RALB: variants seen among roughly 807,000 people sequenced by gnomAD.
The protein encoded by RALB is ras-related protein Ral-B.
A neutral mutation model predicts 21.3 loss-of-function variants in RALB; 16 were observed. That is an observed-to-expected ratio of 0.75 (90% CI 0.51 to 1.14). The LOEUF (loss-of-function observed/expected upper bound fraction) is 1.14. RALB is among the 50% of genes most tolerant of loss of function. RALB has a pLI of 0.00. For synonymous variants in RALB, 93 were observed against 96.1 expected, an observed-to-expected ratio of 0.97 and a Z score of 0.19; for missense variants, 161 against 256.2, an observed-to-expected ratio of 0.63 and a Z score of 2.54.
At chr2:120,247,158 G>A (rs1364215431) in intron 1 of RALB, among the ~76,000 whole-genome samples, 1 of 152,192 alleles carries the variant, frequency 6.6e-6, no homozygotes, top group Non-Finnish European at 1.5e-5. Context: ...GCGGGAAGAG[G>A]GAAGGGGGAG....
At chr2:120,263,337 T>C (rs1320652156) in intron 1 of RALB, among the ~76,000 whole-genome samples, 1 of 150,810 alleles carries the variant, frequency 6.6e-6, no homozygotes, top group Non-Finnish European at 1.5e-5. Flanking sequence ...CCCAGCTAAT[T>C]TTTGTAGAGA....
chr2:120,273,595 C>G (rs980294863), intron 1 of RALB, among the ~76,000 whole-genome samples: 1 of 152,224 alleles, frequency 6.6e-6, no homozygotes, highest in African/African-American at 2.4e-5. Flanking sequence ...AGGAAAGGAT[C>G]AATTTTAGGG....
intron 1 of RALB, among the ~76,000 whole-genome samples, chr2:120,273,322 C>T (rs900666016): frequency 4.6e-5 from 7 of 150,958 alleles, no homozygotes; most frequent in African/African-American, 1.7e-4. Context: ...TGGCGAGGAA[C>T]CACAGGACTG....
rs138010977 is a variant in RALB, at chr2:120,241,484, G to C, written c.19+1359G>C. ...CTCATGCCTGTAATCCCAGCACTTT[G>C]GGTGGCCAAGGTGGGCGGATCACCT... is the stretch of plus-strand genomic sequence containing the variant. On this transcript the variant is annotated intron_variant, in intron 1 of 3. Coordinates refer to the RALB transcript ENST00000447591. Among the ~76,000 whole-genome samples the C allele has an allele frequency of 4.5e-3, 690 of 152,336 alleles. 10 individuals carry two copies. Among genetic ancestry groups the C allele is most frequent in the African/African-American group, 0.016 (668 of 41,584 alleles).
At chr2:120,240,520 G>A (rs913604179) in intron 1 of RALB, among the ~76,000 whole-genome samples, 48 of 151,876 alleles carry the variant, frequency 3.2e-4, no homozygotes, top group Admixed American at 2.0e-4. Flanking sequence ...GGCTGGTCTC[G>A]AACTCCTGGG....
At chr2:120,248,576 G>A (rs909558319), upstream of RALB, among the ~76,000 whole-genome samples, 20 of 149,174 alleles carry the variant, frequency 1.3e-4, no homozygotes, top group Non-Finnish European at 2.1e-4. Flanking sequence ...CCCACTGTGC[G>A]TGGACCCCCG....
intron 1 of RALB, among the ~76,000 whole-genome samples, chr2:120,254,825 A>C (rs2104578735): frequency 6.6e-6 from 1 of 152,118 alleles, no homozygotes; most frequent in South Asian, 2.1e-4. Flanking sequence ...ACAGTCTTGC[A>C]CCACCATGCC....
At chr2:120,251,424 T>C (rs562050492), upstream of RALB, among the ~76,000 whole-genome samples, 7 of 152,352 alleles carry the variant, frequency 4.6e-5, no homozygotes, top group South Asian at 1.2e-3. Flanking sequence ...GAGAGCTCTA[T>C]GTGGACTTGC....
chr2:120,262,307 C>T (rs544128485), intron 1 of RALB, among the ~76,000 whole-genome samples: 1 of 152,094 alleles, frequency 6.6e-6, no homozygotes, highest in Non-Finnish European at 1.5e-5. Context: ...GGCCCTGAAG[C>T]ACATGGCATG....
In RALB at chr2:120,290,161, C is replaced by G. The variant is rs559551014; in HGVS notation, c.501+404C>G. On this transcript the variant is annotated intron_variant, in intron 4 of 4. Transcript: ENST00000272519. Reference sequence around the variant, plus strand: ...CTACAGGTGTGCACCACCACACTGGCTGTTTTTTGTGGAGATGGGGTTTCA... The same window carrying G: ...CTACAGGTGTGCACCACCACACTGGGTGTTTTTTGTGGAGATGGGGTTTCA... Among the ~76,000 whole-genome samples, 1,282 of 152,160 alleles carry G rather than the reference C, an allele frequency of 8.4e-3. 12 individuals carry two copies. The highest frequency in any genetic ancestry group is 0.012 in the Non-Finnish European group (812 of 67,982).
At chr2:120,290,357 G>T (rs2104665924) in intron 4 of RALB, among the ~76,000 whole-genome samples, 1 of 152,300 alleles carries the variant, frequency 6.6e-6, no homozygotes, top group African/African-American at 2.4e-5. Flanking sequence ...GTGAAGGCTG[G>T]GCTGGAGGGA....
At chr2:120,281,054 T>C in intron 2 of RALB, 1 of 291,032 alleles carries the variant, frequency 3.4e-6, no homozygotes, top group Non-Finnish European at 6.7e-6. Flanking sequence ...TTCCATAGTT[T>C]CCATGGGTCC....
rs1574840633 is a variant in RALB at position 120,245,529 on chromosome 2, G to A, written c.19+5404G>A. On this transcript the variant is annotated intron_variant, in intron 1 of 3. Coordinates refer to the RALB transcript ENST00000447591. The stretch of plus-strand genomic sequence containing the variant: ...TCTACCTGTCTGGGGTCAAGGCAGG[G>A]AGCAGTGGGCCCCAGCAGCAGACAG... 2.6e-5 allele frequency among the ~76,000 whole-genome samples: 4 copies of A among 152,322 alleles called. No individual in the cohort carries two copies. In the East Asian group the frequency reaches 5.8e-4, roughly 22 times the overall value.
intron 4 of RALB, among the ~76,000 whole-genome samples, chr2:120,290,591 CTAAA>C (rs1690282729): frequency 6.7e-6 from 1 of 150,232 alleles, no homozygotes; most frequent in African/African-American, 2.4e-5. Context: ...AGTGTAGTCT[CTAAA>C]TAGTATTTGC....
intron 1 of RALB, among the ~76,000 whole-genome samples, chr2:120,261,106 T>C (rs1689355388): frequency 6.6e-6 from 1 of 152,160 alleles, no homozygotes; most frequent in Non-Finnish European, 1.5e-5. Context: ...TGAGAAGCAT[T>C]AGCACAGATA....
chr2:120,273,900 A>G (rs968690156), intron 1 of RALB, among the ~76,000 whole-genome samples: 1 of 152,232 alleles, frequency 6.6e-6, no homozygotes, highest in African/African-American at 2.4e-5. Flanking sequence ...AATATCCACC[A>G]TGGTTATTTC....
chr2:120,286,934 C>T (rs1371025835), intron 3 of RALB, among the ~76,000 whole-genome samples: 1 of 152,028 alleles, frequency 6.6e-6, no homozygotes, highest in African/African-American at 2.4e-5. Context: ...GCCTTTTGGG[C>T]ATAATTCTTA....
At chr2:120,242,842 G>A (rs966073105) in intron 1 of RALB, among the ~76,000 whole-genome samples, 4 of 152,174 alleles carry the variant, frequency 2.6e-5, no homozygotes, top group Admixed American at 6.5e-5. Context: ...TTGGGAGGCC[G>A]AGGTGGGAGG....
intron 1 of RALB, among the ~76,000 whole-genome samples, chr2:120,267,379 T>G (rs1689529814): frequency 8.1e-6 from 1 of 123,772 alleles, no homozygotes; most frequent in South Asian, 2.6e-4. Flanking sequence ...TAATTCAACT[T>G]TCTGGTTTTT....
Sources: allele counts gnomAD v4.1 joint callset (sites outside exome capture counted in the v4.1 genomes callset), GRCh38; gene constraint gnomAD v4.1.1; transcripts MANE v1.5; gene names NCBI Gene and HGNC (gene_info 2026-07-23, HGNC 2026-07-21).